The following KAT6B variants were observed in gnomAD, a reference collection of about 807,000 sequenced individuals.
KAT6B encodes lysine acetyltransferase 6B, also known as histone acetyltransferase KAT6B.
KAT6B carries 10 observed loss-of-function variants against 187.5 expected under a neutral mutation model. The ratio of observed to expected loss-of-function variants is 0.05; its 90% confidence interval spans 0.03 to 0.09. KAT6B has a LOEUF of 0.09. Among genes scored for constraint, KAT6B ranks in the 10% least tolerant of loss-of-function variants. The pLI is 1.00. For missense variants in KAT6B, 1,952 were observed against 2,558.9 expected, an observed-to-expected ratio of 0.76 and a Z score of 5.12; for synonymous variants, 861 against 926.8, an observed-to-expected ratio of 0.93 and a Z score of 1.29.
intron 3 of KAT6B, among the ~76,000 whole-genome samples, chr10:74,959,738 C>T (rs755273091): frequency 1.1e-4 from 16 of 152,292 alleles, no homozygotes; most frequent in South Asian, 2.1e-4. Context: ...TGCAATGAGC[C>T]GAGATTGTGC....
rs1264591924 is a variant in KAT6B at position 74,873,503 on chromosome 10, C to T, written c.621+30025C>T. ...TAAAATAAAACTTTTTAAAGGTCAC[C>T]GAGGCTGCTGTGTGGCCAGGGGAGC... On this transcript the variant is annotated intron_variant, in intron 3 of 17. Coordinates refer to ENST00000287239, the MANE Select transcript of KAT6B (RefSeq NM_012330.4). Among the ~76,000 whole-genome samples, 5 of 151,682 alleles carry T rather than the reference C, an allele frequency of 3.3e-5. No homozygotes were observed. The East Asian group carries it at 7.7e-4, about 23-fold the overall frequency.
intron 3 of KAT6B, among the ~76,000 whole-genome samples, chr10:74,945,279 T>A (rs1342586544): frequency 6.6e-6 from 1 of 152,190 alleles, no homozygotes; most frequent in African/African-American, 2.4e-5. Flanking sequence ...GAGTACGGAT[T>A]GTATGATTTC....
At chr10:74,886,951 A>G (rs937740491) in intron 3 of KAT6B, among the ~76,000 whole-genome samples, 1 of 152,148 alleles carries the variant, frequency 6.6e-6, no homozygotes, top group Non-Finnish European at 1.5e-5. Flanking sequence ...GTTATGGCAT[A>G]TCTTGTAAGG....
rs953074024 is a variant in KAT6B, at chr10:74,919,575, A to AT, written c.622-40388dup. 6.9e-4 allele frequency among the ~76,000 whole-genome samples: 105 copies of AT among 151,810 alleles called. 1 individual carries two copies. Among genetic ancestry groups the AT allele is most frequent in the African/African-American group, 2.4e-3 (101 of 41,412 alleles). On this transcript the variant is annotated intron_variant, in intron 3 of 17. Transcript: ENST00000287239. ...TCCACCACGCCCTGCTAATTTTTAA[A>AT]TTTTTTTAGTAGAGATGGGATTTCA...
chr10:74,832,850 C>A (rs1379255875), intron 1 of KAT6B, among the ~76,000 whole-genome samples: 1 of 151,316 alleles, frequency 6.6e-6, no homozygotes, highest in Non-Finnish European at 1.5e-5. Context: ...TTTGGCCGGG[C>A]ATGATGGCTC....
intron 3 of KAT6B, among the ~76,000 whole-genome samples, chr10:74,892,223 C>T (rs1270248451): frequency 2.6e-5 from 4 of 152,096 alleles, no homozygotes; most frequent in African/African-American, 9.7e-5. Flanking sequence ...AACAAATTAG[C>T]CAGGCATGGT....
At chr10:74,997,015 A>T (rs1450702972) in intron 13 of KAT6B, among the ~76,000 whole-genome samples, 3 of 152,048 alleles carry the variant, frequency 2.0e-5, no homozygotes, top group African/African-American at 7.2e-5. Flanking sequence ...TGTTTAAATA[A>T]ATATATATAT....
rs199653875 is a variant in KAT6B at position 74,975,544 on chromosome 10, G to T, written c.1207G>T (p.Asp403Tyr). ...CTCAAGCAGCAGATTGGCTGTTACA[G>T]ACCCCACTCGGCCTGGTGCCACCAC... is the stretch of plus-strand genomic sequence containing the variant. ...KDSSSRLAVT[D>Y]PTRPGATTKI... Residue 403 changes from aspartate to tyrosine, a missense_variant, in exon 8 of 18, where the codon GAC becomes TAC. This residue lies in a region of KAT6B where 417 missense variants were observed against 508.9 expected (regional missense o/e 0.82). Transcript: ENST00000287239. 2.5e-6 allele frequency: 4 copies of T among 1,613,968 alleles called. No individual in the cohort carries two copies. The highest frequency in any genetic ancestry group is 2.2e-5 in the East Asian group (1 of 44,858).
At chr10:74,915,619 A>C (rs1162080461) in intron 3 of KAT6B, among the ~76,000 whole-genome samples, 1 of 152,226 alleles carries the variant, frequency 6.6e-6, no homozygotes, top group Non-Finnish European at 1.5e-5. Context: ...ACACTACCAC[A>C]GTGCCTGGTG....
chr10:74,938,413 A>G (rs1458631331), intron 3 of KAT6B, among the ~76,000 whole-genome samples: 2 of 152,156 alleles, frequency 1.3e-5, no homozygotes, highest in Non-Finnish European at 2.9e-5. Flanking sequence ...CAGCAGTATC[A>G]TGTGAACCAG....
At chr10:74,846,116 G>A (rs1329117108) in intron 3 of KAT6B, among the ~76,000 whole-genome samples, 9 of 151,806 alleles carry the variant, frequency 5.9e-5, no homozygotes, top group Non-Finnish European at 1.2e-4. Flanking sequence ...CTTCCGCCTC[G>A]GCCTCCCAAG....
At position 74,989,004 on chromosome 10, in the gene KAT6B, T is replaced by G; in HGVS notation, c.2536-15T>G. On this transcript the variant is annotated splice_polypyrimidine_tract_variant and intron_variant, in intron 12 of 17. Coordinates refer to ENST00000287239, the MANE Select transcript of KAT6B (RefSeq NM_012330.4). ...CAGGGCTCTGACATACTTGATCTGT[T>G]TCTCCTTCCCTCAGGAAAAGCTTTG... 6.3e-7 allele frequency: 1 copy of G among 1,583,206 alleles called. No homozygotes were observed.
At chr10:74,883,253 G>T (rs1234663971) in intron 3 of KAT6B, among the ~76,000 whole-genome samples, 2 of 152,128 alleles carry the variant, frequency 1.3e-5, no homozygotes, top group Non-Finnish European at 2.9e-5. Flanking sequence ...TCTGCTTGCC[G>T]CTGTCTGAGG....
chr10:74,828,236 TAGAC>T (rs775988149), intron 1 of KAT6B, among the ~76,000 whole-genome samples: 1 of 152,082 alleles, frequency 6.6e-6, no homozygotes, highest in Non-Finnish European at 1.5e-5. Context: ...AAGAGAGTGT[TAGAC>T]AGAAGTTGTG....
chr10:74,894,999 A>T (rs1367804995), intron 3 of KAT6B, among the ~76,000 whole-genome samples: 1 of 149,988 alleles, frequency 6.7e-6, no homozygotes, highest in African/African-American at 2.4e-5. Flanking sequence ...CAGCTACGCC[A>T]TTTTACATTC....
Position 74,976,201 on chromosome 10 carries a change from C to T in KAT6B, c.1864C>T (p.Arg622Ter), listed in dbSNP as rs1383727273. The change falls in exon 8 of 18, where the codon CGA (arginine) becomes TGA (stop). Residue 622 changes from arginine to a stop codon, truncating the protein, a stop_gained. Transcript: ENST00000287239. LOFTEE classifies it high-confidence loss of function. ...SIFKAIAHFK[R>*]TTFLKKHRML... ...TTTTAAAGCAATTGCTCACTTCAAG[C>T]GAACAACTTTCCTTAAAAAGCACAG... 1 of 1,614,078 alleles carries T rather than the reference C, an allele frequency of 6.2e-7. No individual in the cohort carries two copies. The highest frequency in any genetic ancestry group is 1.1e-5 in the South Asian group (1 of 91,078).
chr10:74,916,272 C>T (rs1847673080), intron 3 of KAT6B, among the ~76,000 whole-genome samples: 1 of 152,182 alleles, frequency 6.6e-6, no homozygotes, highest in Non-Finnish European at 1.5e-5. Context: ...CTTGTTTTTA[C>T]TTTCACTTAC....
At chr10:74,978,153 G>A (rs562160210) in intron 9 of KAT6B, among the ~76,000 whole-genome samples, 86 of 152,288 alleles carry the variant, frequency 5.6e-4, no homozygotes, top group Non-Finnish European at 9.4e-4. Context: ...GGCTCTTAAC[G>A]CTTTATTTTT....
At position 74,908,549 on chromosome 10, in the gene KAT6B, CAA is replaced by C. The variant is rs10715826; in HGVS notation, c.622-51404_622-51403del. Among the ~76,000 whole-genome samples, 435 of 109,422 alleles carry C rather than the reference CAA, an allele frequency of 4.0e-3. 2 individuals carry two copies. The highest frequency in any genetic ancestry group is 0.012 in the African/African-American group (385 of 31,700). The allele number at this position is 109,422 out of a possible 152,430, so 71.8% of individuals were successfully genotyped here. ...TGGGCAACAGAGCCAGACCCCGTCT[CAA>C]AAAAAAAAAAAAAAAAGAAAGAGAA... is the stretch of plus-strand genomic sequence containing the variant. On this transcript the variant is annotated intron_variant, in intron 3 of 17. Coordinates refer to ENST00000287239, the MANE Select transcript of KAT6B (RefSeq NM_012330.4).
Sources: gnomAD v4.1 joint callset for allele counts (sites outside exome capture counted in the v4.1 genomes callset) on GRCh38, gnomAD v4.1.1 for gene constraint, gnomAD v4.1.1 regional missense constraint, MANE v1.5 for transcripts, NCBI Gene and HGNC (gene_info 2026-07-23, HGNC 2026-07-21) for gene names.